The following NCKAP5 variants were observed in gnomAD, a reference collection of about 807,000 sequenced individuals.
NCKAP5 encodes NCK associated protein 5, also known as nck-associated protein 5.
Under a neutral mutation model 167.0 loss-of-function variants are expected in NCKAP5, and 92 were observed. The observed-to-expected ratio is 0.55, with a 90% CI of 0.47 to 0.66. The LOEUF (loss-of-function observed/expected upper bound fraction) is 0.66. Among genes scored for constraint, NCKAP5 ranks in the 30% least tolerant of loss-of-function variants. NCKAP5 has a pLI of 0.00. For missense variants in NCKAP5, 2,378 were observed against 2,315.0 expected (o/e 1.03, Z -0.56); for synonymous variants, 891 against 877.4 (o/e 1.02, Z -0.27).
In NCKAP5 at chr2:133,482,266, G is replaced by A. The variant is rs1391727910; in HGVS notation, c.69+35192C>T. ...TGAGTCATGCACTGACACTCAGGCTGGAGTGCAATGGTGTGATCTCGGCTC... is the reference window on the plus strand; with the variant it reads ...TGAGTCATGCACTGACACTCAGGCTAGAGTGCAATGGTGTGATCTCGGCTC... On this transcript the variant is annotated intron_variant, in intron 3 of 19. Coordinates refer to ENST00000409261, the MANE Select transcript of NCKAP5 (RefSeq NM_207363.3). Among the ~76,000 whole-genome samples, 3 of 150,910 alleles carry A rather than the reference G, an allele frequency of 2.0e-5. No individual in the cohort carries two copies. In the East Asian group the frequency reaches 5.8e-4, roughly 29 times the overall value.
At chr2:132,944,310 C>A (rs1697530754) in intron 8 of NCKAP5, among the ~76,000 whole-genome samples, 1 of 152,168 alleles carries the variant, frequency 6.6e-6, no homozygotes, top group African/African-American at 2.4e-5. Context: ...GAGAGAAACA[C>A]AGAGAAGTAA....
At chr2:133,127,549 A>T (rs948743396) in intron 6 of NCKAP5, among the ~76,000 whole-genome samples, 4 of 152,220 alleles carry the variant, frequency 2.6e-5, no homozygotes, top group Non-Finnish European at 5.9e-5. Context: ...TGTGTAACTT[A>T]AATCTGTAGG....
chr2:133,562,492 G>A (rs1454562220), intron 1 of NCKAP5, among the ~76,000 whole-genome samples: 1 of 152,230 alleles, frequency 6.6e-6, no homozygotes, highest in East Asian at 1.9e-4. Flanking sequence ...GCCAAATGAA[G>A]CAAGTTGCCT....
At position 133,097,730 on chromosome 2, in the gene NCKAP5, C is replaced by A. The variant is rs535844902; in HGVS notation, c.341+32248G>T. Among the ~76,000 whole-genome samples, 8 of 152,224 alleles carry A rather than the reference C, an allele frequency of 5.3e-5. No individual in the cohort carries two copies. In the East Asian group the frequency reaches 1.5e-3, roughly 29 times the overall value. ...CACAGTGTGGCCACATGTGTCTGATCCCACAGAGACTGCAAAATATGAACC... is the reference window on the plus strand; with the variant it reads ...CACAGTGTGGCCACATGTGTCTGATACCACAGAGACTGCAAAATATGAACC... On this transcript the variant is annotated intron_variant, in intron 6 of 19. Transcript: ENST00000409261.
intron 6 of NCKAP5, among the ~76,000 whole-genome samples, chr2:133,042,826 C>G (rs2079259467): frequency 6.6e-6 from 1 of 152,128 alleles, no homozygotes; most frequent in African/African-American, 2.4e-5. Flanking sequence ...TAAAGGTGGT[C>G]TTTTCTCTCT....
At chr2:133,613,889 T>G in the NCKAP5 span, among the ~76,000 whole-genome samples, 1 of 152,200 alleles carries the variant, frequency 6.6e-6, no homozygotes, top group Non-Finnish European at 1.5e-5. Context: ...ACAGTACTCC[T>G]TTTCCTTGTG....
intron 8 of NCKAP5, among the ~76,000 whole-genome samples, chr2:132,921,110 T>C (rs1236992209): frequency 1.3e-5 from 2 of 151,932 alleles, no homozygotes; most frequent in South Asian, 2.1e-4. Flanking sequence ...AAACCCTTCC[T>C]TGGTTTTTCT....
chr2:133,481,688 G>A (rs1680453161), intron 3 of NCKAP5, among the ~76,000 whole-genome samples: 1 of 152,124 alleles, frequency 6.6e-6, no homozygotes. Context: ...TGCGGTATCT[G>A]GTTTTCTGTT....
chr2:133,036,535 A>T (rs1251244510), intron 6 of NCKAP5, among the ~76,000 whole-genome samples: 1 of 152,022 alleles, frequency 6.6e-6, no homozygotes, highest in African/African-American at 2.4e-5. Context: ...CAATTATGTG[A>T]TTCACCATAT....
chr2:133,419,892 G>A (rs13421761), intron 3 of NCKAP5, among the ~76,000 whole-genome samples: 30,872 of 152,102 alleles, frequency 0.2, 3,197 homozygotes, highest in African/African-American at 0.24. Context: ...AGACATACAC[G>A]CATTCACAAA....
intron 2 of NCKAP5, among the ~76,000 whole-genome samples, chr2:133,522,615 T>C (rs1684564340): frequency 6.6e-6 from 1 of 152,154 alleles, no homozygotes; most frequent in Non-Finnish European, 1.5e-5. Flanking sequence ...CATAAATAAA[T>C]GAATGAATGT....
At chr2:132,687,534 A>G (rs1686108581) in intron 19 of NCKAP5, among the ~76,000 whole-genome samples, 1 of 152,136 alleles carries the variant, frequency 6.6e-6, no homozygotes, top group African/African-American at 2.4e-5. Context: ...CTGGAGAAAT[A>G]CTTTTCCTTA....
chr2:133,405,154 C>T (rs558936267), intron 3 of NCKAP5, among the ~76,000 whole-genome samples: 6 of 152,298 alleles, frequency 3.9e-5, no homozygotes, highest in Admixed American at 3.3e-4. Flanking sequence ...TACTGAGTTA[C>T]GTTTCTCTGA....
At chr2:133,543,952 T>C (rs1686439863) in intron 2 of NCKAP5, among the ~76,000 whole-genome samples, 1 of 152,228 alleles carries the variant, frequency 6.6e-6, no homozygotes, top group African/African-American at 2.4e-5. Context: ...TCTGGTTATC[T>C]CTATCCCAGT....
chr2:133,377,776 G>A (rs1468492747), intron 3 of NCKAP5, among the ~76,000 whole-genome samples: 1 of 152,158 alleles, frequency 6.6e-6, no homozygotes, highest in Non-Finnish European at 1.5e-5. Context: ...TGAGGTAGGG[G>A]ACTCAGAAGA....
At chr2:133,108,369 G>A (rs533332467) in intron 6 of NCKAP5, among the ~76,000 whole-genome samples, 3 of 152,158 alleles carry the variant, frequency 2.0e-5, no homozygotes, top group Admixed American at 6.5e-5. Flanking sequence ...AGTCTTCCAC[G>A]GAGTCCCTTG....
At chr2:133,527,401 G>A (rs1245718550) in intron 2 of NCKAP5, among the ~76,000 whole-genome samples, 1 of 152,010 alleles carries the variant, frequency 6.6e-6, no homozygotes, top group African/African-American at 2.4e-5. Context: ...GGCCCTAGCT[G>A]GTAATTAGAA....
chr2:132,860,353 A>T (rs895519394), intron 11 of NCKAP5, 139 bp downstream of exon 11: 1 of 1,011,036 alleles, frequency 9.9e-7, no homozygotes, highest in East Asian at 2.7e-5. Flanking sequence ...AAATTTAATG[A>T]CATAACTTGA....
chr2:133,600,899 C>T, the NCKAP5 span, among the ~76,000 whole-genome samples: 13 of 152,220 alleles, frequency 8.5e-5, no homozygotes, highest in South Asian at 2.1e-4. Context: ...TCAACCTCCA[C>T]GCCAGAAGCA....
Sources: gnomAD v4.1 joint callset for allele counts (sites outside exome capture counted in the v4.1 genomes callset) on GRCh38, gnomAD v4.1.1 for gene constraint, MANE v1.5 for transcripts, NCBI Gene and HGNC (gene_info 2026-07-23, HGNC 2026-07-21) for gene names.